The following CDH8 variants were observed in gnomAD, a reference collection of about 807,000 sequenced individuals.
CDH8 encodes cadherin 8.
In CDH8, 17 loss-of-function variants were observed where a neutral mutation model predicts 68.1. The observed-to-expected ratio is 0.25, with a 90% CI of 0.17 to 0.37. CDH8 has a LOEUF of 0.37. Ranked by LOEUF, CDH8 falls within the 10% of genes least tolerant of loss-of-function variation. The pLI, the probability that CDH8 is intolerant of heterozygous loss-of-function variation, is 1.00. For missense variants in CDH8, 763 were observed against 999.3 expected (o/e 0.76, Z 3.19); for synonymous variants, 372 against 365.1 (o/e 1.02, Z -0.21).
intron 8 of CDH8, among the ~76,000 whole-genome samples, chr16:61,747,174 A>C (rs1038203883): frequency 1.3e-5 from 2 of 152,126 alleles, no homozygotes; most frequent in Non-Finnish European, 2.9e-5. Flanking sequence ...GCATGTTAGA[A>C]AGGTAACTAG....
intron 4 of CDH8, among the ~76,000 whole-genome samples, chr16:61,843,099 C>T (rs1232651437): frequency 6.6e-6 from 1 of 152,022 alleles, no homozygotes; most frequent in African/African-American, 2.4e-5. Flanking sequence ...AGCCTGGACC[C>T]TCTGGTCCTA....
chr16:61,988,659 A>G (rs1284692412), intron 2 of CDH8, among the ~76,000 whole-genome samples: 3 of 152,166 alleles, frequency 2.0e-5, no homozygotes, highest in Non-Finnish European at 4.4e-5. Flanking sequence ...ATAAACACAA[A>G]ACCTACCAAA....
intron 7 of CDH8, among the ~76,000 whole-genome samples, chr16:61,799,247 G>T (rs1018765379): frequency 6.6e-6 from 1 of 152,064 alleles, no homozygotes; most frequent in Non-Finnish European, 1.5e-5. Context: ...TCTCTCCATA[G>T]GAAATAGAGT....
In CDH8 at chr16:62,021,345, CATA is replaced by C. The variant is rs757229778; in HGVS notation, c.56_58del (p.Leu19del). 6.2e-7 allele frequency: 1 copy of C among 1,613,942 alleles called. No individual in the cohort carries two copies. The highest frequency in any genetic ancestry group is 8.5e-7 in the Non-Finnish European group (1 of 1,179,908). ...GTAAATGCAAGGGGGAAGAGTAATC[CATA>C]ATATTATTAATGGAGTCCAGAGATC... On this transcript the variant is annotated inframe_deletion, in exon 2 of 12. Coordinates refer to ENST00000577390, the MANE Select transcript of CDH8 (RefSeq NM_001796.5).
chr16:61,737,238 C>G (rs1167245122), intron 8 of CDH8, among the ~76,000 whole-genome samples: 1 of 152,078 alleles, frequency 6.6e-6, no homozygotes, highest in Non-Finnish European at 1.5e-5. Flanking sequence ...CTTGCCTTTT[C>G]AAGCTATAAG....
intron 3 of CDH8, among the ~76,000 whole-genome samples, chr16:61,883,063 G>A (rs1366346648): frequency 6.6e-6 from 1 of 152,114 alleles, no homozygotes; most frequent in Non-Finnish European, 1.5e-5. Flanking sequence ...CACATTCTGG[G>A]TAAGCCTCAA....
At chr16:61,837,098 G>T (rs1355824667) in intron 4 of CDH8, among the ~76,000 whole-genome samples, 2 of 151,672 alleles carry the variant, frequency 1.3e-5, no homozygotes, top group African/African-American at 4.8e-5. Flanking sequence ...GCAGTGACTT[G>T]CCTCTTTCCT....
intron 8 of CDH8, among the ~76,000 whole-genome samples, chr16:61,763,381 G>A (rs572039291): frequency 6.6e-6 from 1 of 152,238 alleles, no homozygotes; most frequent in Non-Finnish European, 1.5e-5. Context: ...TACCACCCTA[G>A]GATTTTCTGG....
chr16:61,729,513 C>G (rs927836533), intron 8 of CDH8, among the ~76,000 whole-genome samples: 7 of 151,184 alleles, frequency 4.6e-5, no homozygotes, highest in African/African-American at 9.7e-5. Flanking sequence ...AGTTTAACTT[C>G]CAGAATTTTG....
At chr16:61,720,044 G>T (rs1183349338) in intron 9 of CDH8, among the ~76,000 whole-genome samples, 3 of 149,788 alleles carry the variant, frequency 2.0e-5, no homozygotes, top group Non-Finnish European at 3.0e-5. Flanking sequence ...TCATATATTG[G>T]CATGCTACCG....
At chr16:61,658,280 A>C (rs1280745403) in intron 10 of CDH8, among the ~76,000 whole-genome samples, 2 of 152,084 alleles carry the variant, frequency 1.3e-5, no homozygotes, top group Non-Finnish European at 2.9e-5. Flanking sequence ...TATCTTCTAC[A>C]AAGTTGTGGT....
chr16:61,827,138 A>T lies in CDH8; in HGVS notation c.668-1959T>A, dbSNP rs1249525935. Among the ~76,000 whole-genome samples, 4 of 152,006 alleles carry T rather than the reference A, an allele frequency of 2.6e-5. No individual in the cohort carries two copies. The East Asian group carries it at 7.8e-4, about 30-fold the overall frequency. On this transcript the variant is annotated intron_variant, in intron 4 of 11. Coordinates refer to ENST00000577390, the MANE Select transcript of CDH8 (RefSeq NM_001796.5). ...TATATTAGCATGTTGAGATACCAAG[A>T]TAGCTACTCTGCTATGAATATACAT...
intron 3 of CDH8, among the ~76,000 whole-genome samples, chr16:61,864,380 T>C (rs1461566692): frequency 6.6e-6 from 1 of 151,954 alleles, no homozygotes; most frequent in Non-Finnish European, 1.5e-5. Context: ...ATCACACTGC[T>C]TCCCCAACCA....
intron 2 of CDH8, among the ~76,000 whole-genome samples, chr16:61,945,474 C>A (rs1398757686): frequency 2.7e-5 from 4 of 149,572 alleles, no homozygotes; most frequent in Non-Finnish European, 4.5e-5. Flanking sequence ...AGTTTATCCA[C>A]TCCGATATGT....
At chr16:61,993,646 CT>C (rs1409640075) in intron 2 of CDH8, among the ~76,000 whole-genome samples, 1 of 152,136 alleles carries the variant, frequency 6.6e-6, no homozygotes, top group Non-Finnish European at 1.5e-5. Context: ...AAAAAGTCCC[CT>C]AACACAGCCC....
chr16:61,690,319 T>TG (rs1964193607), intron 10 of CDH8, among the ~76,000 whole-genome samples: 1 of 152,076 alleles, frequency 6.6e-6, no homozygotes, highest in Non-Finnish European at 1.5e-5. Context: ...CTGTCACTAC[T>TG]GGCTTTCTGA....
At position 61,931,205 on chromosome 16, in the gene CDH8, G is replaced by A. The variant is rs543083651; in HGVS notation, c.253-29732C>T. On this transcript the variant is annotated intron_variant, in intron 2 of 11. Coordinates refer to ENST00000577390, the MANE Select transcript of CDH8 (RefSeq NM_001796.5). The stretch of plus-strand genomic sequence containing the variant: ...TTTCAGAACAGGGTTTCACTTTGTC[G>A]CCCAGGCCAGAGTGCAGTGGCGTGA... Among the ~76,000 whole-genome samples, 100 of 152,122 alleles carry A rather than the reference G, an allele frequency of 6.6e-4. 1 individual carries two copies. In the South Asian group the frequency reaches 0.018, roughly 27 times the overall value.
rs71675273 is a variant in CDH8, at chr16:61,746,556, A to AACACACACACACAC, written c.1415-19355_1415-19342dup. 5.1e-3 allele frequency among the ~76,000 whole-genome samples: 708 copies of AACACACACACACAC among 140,178 alleles called. 15 individuals are homozygous for AACACACACACACAC. The highest frequency in any genetic ancestry group is 0.018 in the African/African-American group (674 of 37,872). The allele number at this position is 140,178 out of a possible 152,430, so 92.0% of individuals were successfully genotyped here. On this transcript the variant is annotated intron_variant, in intron 8 of 11. Transcript: ENST00000577390. ...TAAAGAAAACACTTGATTCCCCCCC[A>AACACACACACACAC]ACACACACACACACACACACACACA...
intron 10 of CDH8, among the ~76,000 whole-genome samples, chr16:61,663,713 A>C (rs1413023347): frequency 6.6e-6 from 1 of 152,012 alleles, no homozygotes; most frequent in African/African-American, 2.4e-5. Flanking sequence ...ATGAATATCT[A>C]TCTGTCTGTC....
Sources: gnomAD v4.1 joint callset for allele counts (sites outside exome capture counted in the v4.1 genomes callset) on GRCh38, gnomAD v4.1.1 for gene constraint, MANE v1.5 for transcripts, NCBI Gene and HGNC (gene_info 2026-07-23, HGNC 2026-07-21) for gene names.